The following TNFRSF18 variants were observed in gnomAD, a reference collection of about 807,000 sequenced individuals.
TNFRSF18 encodes the protein tumor necrosis factor receptor superfamily member 18.
TNFRSF18 carries 36 observed loss-of-function variants against 30.2 expected under a neutral mutation model. The ratio of observed to expected loss-of-function variants is 1.19; its 90% CI spans 0.91 to 1.58. The LOEUF is 1.58. Ranked by LOEUF, TNFRSF18 falls within the 40% of genes most tolerant of loss-of-function variation. The pLI, the probability that TNFRSF18 is intolerant of heterozygous loss-of-function variation, is 0.00. For synonymous variants in TNFRSF18, 173 were observed against 158.3 expected (o/e 1.09, Z -0.70); for missense variants, 369 against 345.4 (o/e 1.07, Z -0.54).
chr1:1,205,614 G>T, intron 1 of TNFRSF18, 122 bp from the exon 2 acceptor site: 1 of 1,064,708 alleles, frequency 9.4e-7, no homozygotes, highest in Non-Finnish European at 1.3e-6. Context: ...GCTCCAGGGA[G>T]CAGAGGGCTC....
In TNFRSF18 at chr1:1,204,180, A is replaced by T; in HGVS notation, c.455T>A (p.Val152Glu). Residue 152 changes from valine (V) to glutamate (E), a missense_variant, in exon 4 of 5, where the codon GTG becomes GAG. By Grantham distance (121) the Val-to-Glu change is moderately radical. Coordinates refer to ENST00000379268, the MANE Select transcript of TNFRSF18 (RefSeq NM_004195.3). ...TGCCGGCGGGGACCCTGGGACGCAC[A>T]CAGCGTTGTGGGTCTTGTTCCCAGG... ...VFPGNKTHNA[V>E]CVPGSPPAEP... 1 of 1,612,186 alleles carries T rather than the reference A, an allele frequency of 6.2e-7. No homozygotes were observed. The highest frequency in any genetic ancestry group is 8.5e-7 in the Non-Finnish European group (1 of 1,179,718).
chr1:1,206,183 G>C (rs1221964946), intron 1 of TNFRSF18, among the ~76,000 whole-genome samples: 1 of 152,188 alleles, frequency 6.6e-6, no homozygotes, highest in African/African-American at 2.4e-5. Flanking sequence ...CCCGGCCGGG[G>C]CCACTGGCTG....
Position 1,205,477 on chromosome 1 carries a change from G to C in TNFRSF18, c.203C>G (p.Ser68Cys). The C allele has an allele frequency of 6.2e-7, 1 of 1,612,290 alleles. No homozygotes were observed. The highest frequency in any genetic ancestry group is 8.5e-7 in the Non-Finnish European group (1 of 1,179,632). ...CTGGACACACATGCAGTCCCACTCG[G>C]AACAGCACTCCTCGCCTGGGCAGGA... ...CRDYPGEECC[S>C]EWDCMCVQPE... The change falls in exon 2 of 5, where the codon TCC becomes TGC. Residue 68 changes from serine (S) to cysteine (C), a missense_variant. Transcript: ENST00000379268.
In TNFRSF18 at chr1:1,203,885, A is replaced by G; in HGVS notation, c.685T>C (p.Ser229Pro). 6.2e-7 allele frequency: 1 copy of G among 1,604,810 alleles called. No individual in the cohort carries two copies. Among genetic ancestry groups the G allele is most frequent in the Non-Finnish European group, 8.5e-7 (1 of 1,178,852 alleles). The change falls in exon 5 of 5, where the codon TCG becomes CCG. Residue 229 changes from serine (S) to proline (P), a missense_variant. Coordinates refer to ENST00000379268, the MANE Select transcript of TNFRSF18 (RefSeq NM_004195.3). ...QFPEEERGER[S>P]AEEKGRLGDL... ...CCCAGCCGCCCCTTCTCCTCTGCCG[A>G]TCGCTCGCCCCGCTCTTCCTCGGGG... is the stretch of plus-strand genomic sequence containing the variant.
chr1:1,203,892 GC>G lies in TNFRSF18; in HGVS notation c.677del (p.Gly226AlafsTer101). On this transcript the variant is annotated frameshift_variant, in exon 5 of 5. Transcript: ENST00000379268. LOFTEE classifies it high-confidence loss of function. ...GCCCCTTCTCCTCTGCCGATCGCTC[GC>G]CCCGCTCTTCCTCGGGGAACTGGCA... ...RSCQFPEEERGERSAEEKGRL... is the reference protein window; with the variant it reads ...RSCQFPEEERXERSAEEKGRL... 1 of 1,605,846 alleles carries G rather than the reference GC, an allele frequency of 6.2e-7. No homozygotes were observed. The highest frequency in any genetic ancestry group is 1.1e-5 in the South Asian group (1 of 90,602).
In TNFRSF18 at chr1:1,206,355, G is replaced by A. The variant is rs758454767; in HGVS notation, c.187+30C>T. The A allele has an allele frequency of 2.6e-6, 4 of 1,542,642 alleles. No homozygotes were observed. In the Admixed American group the frequency reaches 7.9e-5, roughly 31 times the overall value. On this transcript the variant is annotated intron_variant, in intron 1 of 4. Coordinates refer to ENST00000379268, the MANE Select transcript of TNFRSF18 (RefSeq NM_004195.3). ...CGGCTTCCGCGGGACGCCTTGGCCG[G>A]TCCGCGTTAAGTAAACGCGGTTTAC...
Position 1,203,903 on chromosome 1 carries a change from C to CCTCGGGGAACTGG in TNFRSF18, c.654_666dup (p.Glu223ProfsTer?). Reference sequence around the variant, plus strand: ...TCTGCCGATCGCTCGCCCCGCTCTTCCTCGGGGAACTGGCAGCTTCTGGCG... The same window carrying CCTCGGGGAACTGG: ...TCTGCCGATCGCTCGCCCCGCTCTTCCTCGGGGAACTGGCTCGGGGAACTGGCAGCTTCTGGCG... On this transcript the variant is annotated frameshift_variant, in exon 5 of 5. Coordinates refer to ENST00000379268, the MANE Select transcript of TNFRSF18 (RefSeq NM_004195.3). LOFTEE classifies it high-confidence loss of function. 6.2e-7 allele frequency: 1 copy of CCTCGGGGAACTGG among 1,607,394 alleles called. No individual in the cohort carries two copies. The highest frequency in any genetic ancestry group is 1.1e-5 in the South Asian group (1 of 90,808).
chr1:1,204,317 C>T, intron 3 of TNFRSF18, 81 bp from the exon 4 acceptor site: 2 of 1,593,820 alleles, frequency 1.3e-6, no homozygotes, highest in Non-Finnish European at 1.7e-6. Flanking sequence ...TCCGTGCTGT[C>T]TGGGGCAAGG....
Position 1,204,492 on chromosome 1 carries a change from G to A in TNFRSF18, c.311-6C>T, listed in dbSNP as rs1303523542. ...GAAGCCAAAACTGAATTTCCCTGGT[G>A]TGGGGTGTGGGGGGAGGGAGGGAGG... is the stretch of plus-strand genomic sequence containing the variant. On this transcript the variant is annotated splice_region_variant and splice_polypyrimidine_tract_variant and intron_variant, in intron 2 of 4. Coordinates refer to ENST00000379268, the MANE Select transcript of TNFRSF18 (RefSeq NM_004195.3). 1.3e-6 allele frequency: 2 copies of A among 1,597,356 alleles called. No individual in the cohort carries two copies. Among genetic ancestry groups the A allele is most frequent in the African/African-American group, 1.3e-5 (1 of 74,734 alleles).
rs770005622 is a variant in TNFRSF18 at position 1,203,639 on chromosome 1, CTG to C, written c.*203_*204del. The C allele has an allele frequency of 4.5e-6, 7 of 1,546,886 alleles. No individual in the cohort carries two copies. The highest frequency in any genetic ancestry group is 2.3e-5 in the East Asian group (1 of 44,332). Reference sequence around the variant, plus strand: ...CAGCAAGGGAGGAAGGGGGCCATGACTGTGTCTCTCTCTCCCTCCTGCAGGGC... The same window carrying C: ...CAGCAAGGGAGGAAGGGGGCCATGACTGTCTCTCTCTCCCTCCTGCAGGGC... On this transcript the variant is annotated 3_prime_UTR_variant, in exon 5 of 5. Transcript: ENST00000379268.
At position 1,204,341 on chromosome 1, in the gene TNFRSF18, C is replaced by G. The variant is rs554056608; in HGVS notation, c.398+58G>C. On this transcript the variant is annotated intron_variant, in intron 3 of 4. Transcript: ENST00000379268. ...TCTGGGGCAAGGGACAGGAGAGGAC[C>G]CTTCCTCAGAGTGGGCCTGGACCAC... 3.3e-5 allele frequency: 53 copies of G among 1,599,018 alleles called. No homozygotes were observed. The East Asian group carries it at 6.8e-4, about 20-fold the overall frequency.
In TNFRSF18 at chr1:1,203,688, C is replaced by T. The variant is rs777000086; in HGVS notation, c.*156G>A. 4.5e-6 allele frequency: 7 copies of T among 1,557,800 alleles called. No homozygotes were observed. The highest frequency in any genetic ancestry group is 6.0e-6 in the Non-Finnish European group (7 of 1,158,428). ...GGGCCCAGCCGCGGCCGCCGAACTG[C>T]ATGGTCCAGGGCGCTGGTCACTGCC... is the stretch of plus-strand genomic sequence containing the variant. On this transcript the variant is annotated 3_prime_UTR_variant, in exon 5 of 5. Coordinates refer to ENST00000379268, the MANE Select transcript of TNFRSF18 (RefSeq NM_004195.3).
In TNFRSF18 at chr1:1,204,103, G is replaced by T; in HGVS notation, c.532C>A (p.Leu178Ile). The change falls in exon 4 of 5, where the codon CTC (leucine) becomes ATC (isoleucine). Residue 178 changes from leucine (L) to isoleucine (I), a missense_variant. By Grantham distance (5) the Leu-to-Ile change is conservative. Transcript: ENST00000379268. Reference sequence around the variant, plus strand: ...CCAAGCTGGGCCGAGGTCAGGAGGAGGACGCAGGCGGCCACGGCCAGGAGG... The same window carrying T: ...CCAAGCTGGGCCGAGGTCAGGAGGATGACGCAGGCGGCCACGGCCAGGAGG... ...VVLLAVAACV[L>I]LLTSAQLGLH... 1 of 1,609,994 alleles carries T rather than the reference G, an allele frequency of 6.2e-7. No homozygotes were observed.
chr1:1,205,326 A>ACC (rs1648762024), intron 2 of TNFRSF18, 44 bp downstream of exon 2: 1 of 1,593,200 alleles, frequency 6.3e-7, no homozygotes, highest in Admixed American at 1.8e-5. Context: ...CCCTAGTGGA[A>ACC]CCCCTGGCCT....
At chr1:1,205,897 T>C (rs1439558747) in intron 1 of TNFRSF18, among the ~76,000 whole-genome samples, 6 of 152,230 alleles carry the variant, frequency 3.9e-5, no homozygotes, top group African/African-American at 1.4e-4. Flanking sequence ...GAGCCTCCCT[T>C]CCCAACCCAC....
chr1:1,204,247 TGGACGCGGCCTCCTATCAGCCCCC>T lies in TNFRSF18; in HGVS notation c.399-35_399-12del. On this transcript the variant is annotated splice_polypyrimidine_tract_variant and intron_variant, in intron 3 of 4. Transcript: ENST00000379268. ...CCGAACTGGGTGCAGCTGGAATACA[TGGACGCGGCCTCCTATCAGCCCCC>T]GGACACGGCCTCCGATCAGCCCCCG... The T allele has an allele frequency of 1.2e-6, 2 of 1,607,484 alleles. No homozygotes were observed. The highest frequency in any genetic ancestry group is 1.1e-5 in the South Asian group (1 of 90,428).
chr1:1,205,806 G>T (rs1648795047), intron 1 of TNFRSF18: 4 of 355,844 alleles, frequency 1.1e-5, no homozygotes, highest in African/African-American at 6.4e-5. Flanking sequence ...TCCCCTGGAG[G>T]CCCGTCGACA....
At position 1,203,622 on chromosome 1, in the gene TNFRSF18, G is replaced by A. The variant is rs1224903237; in HGVS notation, c.*222C>T. On this transcript the variant is annotated 3_prime_UTR_variant, in exon 5 of 5. Coordinates refer to ENST00000379268, the MANE Select transcript of TNFRSF18 (RefSeq NM_004195.3). ...CCCCACCCCATCAGGGCCAGCAAGGGAGGAAGGGGGCCATGACTGTGTCTC... is the reference window on the plus strand; with the variant it reads ...CCCCACCCCATCAGGGCCAGCAAGGAAGGAAGGGGGCCATGACTGTGTCTC... 2.6e-6 allele frequency: 4 copies of A among 1,533,510 alleles called. No individual in the cohort carries two copies. Among genetic ancestry groups the A allele is most frequent in the Non-Finnish European group, 2.6e-6 (3 of 1,148,948 alleles). The allele number at this position is 1,533,510 out of a possible 1,614,324, so 95.0% of individuals were successfully genotyped here. A position where few individuals can be genotyped will look rare whatever the true frequency, so the allele number is the denominator to read the frequency against.
rs372368896 is a variant in TNFRSF18 at position 1,206,434 on chromosome 1, G to A, written c.138C>T (p.Asp46=). 1.6e-4 allele frequency: 248 copies of A among 1,547,236 alleles called. No individual in the cohort carries two copies. The highest frequency in any genetic ancestry group is 2.0e-4 in the Non-Finnish European group (225 of 1,146,206). ...TCGTGTGAACCCGGCAGCAGCGCGCGTCCGTTCCCGTCCCAAGCAGGAGGC... is the reference window on the plus strand; with the variant it reads ...TCGTGTGAACCCGGCAGCAGCGCGCATCCGTTCCCGTCCCAAGCAGGAGGC... ...PGRLLLGTGT[D]ARCCRVHTTR... The change falls in exon 1 of 5, where the codon GAC becomes GAT. Residue 46 remains aspartate (D), a synonymous_variant. Coordinates refer to ENST00000379268, the MANE Select transcript of TNFRSF18 (RefSeq NM_004195.3).
Sources: gnomAD v4.1 joint callset for allele counts (sites outside exome capture counted in the v4.1 genomes callset) on GRCh38, gnomAD v4.1.1 for gene constraint, MANE v1.5 for transcripts, NCBI Gene and HGNC (gene_info 2026-07-23, HGNC 2026-07-21) for gene names.